The following FRMD6 variants were observed in gnomAD, a reference collection of about 807,000 sequenced individuals.
FRMD6 encodes FERM domain containing 6, also known as FERM domain-containing protein 6.
A neutral mutation model predicts 73.2 loss-of-function variants in FRMD6; 37 were observed. The observed-to-expected ratio is 0.51, with a 90% CI of 0.39 to 0.66. FRMD6 has a LOEUF of 0.66. Among genes scored for constraint, FRMD6 ranks in the 30% least tolerant of loss-of-function variants. FRMD6 has a pLI of 0.00. For synonymous variants in FRMD6, 273 were observed against 282.2 expected (o/e 0.97, Z 0.33); for missense variants, 714 against 780.5 (o/e 0.91, Z 1.02).
intron 1 of FRMD6, among the ~76,000 whole-genome samples, chr14:51,663,212 C>A (rs1258790242): frequency 6.6e-6 from 1 of 152,122 alleles, no homozygotes; most frequent in Non-Finnish European, 1.5e-5. Context: ...TGTGGTGATT[C>A]CTCAAAGACC....
chr14:51,642,075 A>G (rs1346001291), intron 2 of FRMD6, among the ~76,000 whole-genome samples: 2 of 152,176 alleles, frequency 1.3e-5, no homozygotes, highest in East Asian at 3.8e-4. Context: ...AAAGGCTTAA[A>G]CTGTAGGTAC....
intron 2 of FRMD6, 43 bp from the exon 3 acceptor site, chr14:51,698,099 T>G: frequency 7.0e-7 from 1 of 1,426,466 alleles, no homozygotes; most frequent in Non-Finnish European, 9.9e-7. Flanking sequence ...CTGGGTGGAC[T>G]TAGTTGAATT....
chr14:51,461,057 G>T, the FRMD6 span, among the ~76,000 whole-genome samples: 10 of 152,100 alleles, frequency 6.6e-5, no homozygotes, highest in Non-Finnish European at 1.3e-4. Flanking sequence ...AGCCACAAAG[G>T]GAAACCAATG....
At chr14:51,618,358 A>G (rs1188133961) in intron 2 of FRMD6, among the ~76,000 whole-genome samples, 1 of 152,172 alleles carries the variant, frequency 6.6e-6, no homozygotes, top group Non-Finnish European at 1.5e-5. Flanking sequence ...AAGCGGCAAG[A>G]GATCTAGACC....
intron 1 of FRMD6, among the ~76,000 whole-genome samples, chr14:51,681,897 A>G (rs978474407): frequency 6.6e-6 from 1 of 152,170 alleles, no homozygotes; most frequent in Non-Finnish European, 1.5e-5. Context: ...CTTTCCAGTT[A>G]TTTTGTTTGC....
intron 1 of FRMD6, among the ~76,000 whole-genome samples, chr14:51,563,519 A>C (rs922895416): frequency 6.6e-6 from 1 of 152,060 alleles, no homozygotes; most frequent in Non-Finnish European, 1.5e-5. Flanking sequence ...AAAATCCAAA[A>C]ATTAACTGGG....
chr14:51,450,145 A>T, the FRMD6 span, among the ~76,000 whole-genome samples: 2 of 152,202 alleles, frequency 1.3e-5, no homozygotes, highest in African/African-American at 4.8e-5. Context: ...AGATCCTGTG[A>T]CTTACTGCCA....
intron 2 of FRMD6, among the ~76,000 whole-genome samples, chr14:51,573,370 C>G (rs756673857): frequency 1.3e-5 from 2 of 152,104 alleles, no homozygotes; most frequent in Admixed American, 6.5e-5. Context: ...CTGTTATCAC[C>G]TCTTATGCCA....
intron 2 of FRMD6, among the ~76,000 whole-genome samples, chr14:51,637,139 T>C (rs931272116): frequency 2.0e-5 from 3 of 152,232 alleles, no homozygotes; most frequent in East Asian, 3.9e-4. Context: ...GGAGGATTGC[T>C]TGAGCCTGGG....
chr14:51,652,084 G>C (rs1892446650), intron 1 of FRMD6, 88 bp downstream of exon 1: 1 of 152,572 alleles, frequency 6.6e-6, no homozygotes, highest in African/African-American at 2.4e-5. Flanking sequence ...GCCCCCTGCC[G>C]GCGGGGCGGC....
At chr14:51,705,055 G>T (rs1239410177) in intron 6 of FRMD6, 120 bp downstream of exon 6, 2 of 791,488 alleles carry the variant, frequency 2.5e-6, no homozygotes, top group Non-Finnish European at 3.9e-6. Context: ...AATTCTTTGT[G>T]ATGCCCAGAT....
At chr14:51,409,358 T>G in the FRMD6 span, among the ~76,000 whole-genome samples, 1 of 146,828 alleles carries the variant, frequency 6.8e-6, no homozygotes, top group Non-Finnish European at 1.5e-5. Context: ...TTTTTTTTTT[T>G]TTTGCCTCAG....
the FRMD6 span, among the ~76,000 whole-genome samples, chr14:51,442,232 G>C: frequency 6.6e-6 from 1 of 152,128 alleles, no homozygotes; most frequent in Non-Finnish European, 1.5e-5. Flanking sequence ...ATTCAATCTA[G>C]GTTAGGGATC....
At chr14:51,620,416 G>A (rs1890883300) in intron 2 of FRMD6, among the ~76,000 whole-genome samples, 1 of 152,086 alleles carries the variant, frequency 6.6e-6, no homozygotes, top group Non-Finnish European at 1.5e-5. Context: ...CGCATGGTTG[G>A]GGATTGGGCA....
chr14:51,695,682 A>G (rs1372059059), intron 2 of FRMD6, among the ~76,000 whole-genome samples: 1 of 152,196 alleles, frequency 6.6e-6, no homozygotes, highest in African/African-American at 2.4e-5. Flanking sequence ...AGTGCCTACT[A>G]TAGATCCTGA....
chr14:51,450,340 A>T, the FRMD6 span, among the ~76,000 whole-genome samples: 3 of 152,338 alleles, frequency 2.0e-5, no homozygotes, highest in East Asian at 5.8e-4. Flanking sequence ...TTAGATAGAA[A>T]TCTAGACAGA....
Position 51,720,231 on chromosome 14 carries a change from A to C in FRMD6, c.1201A>C (p.Thr401Pro). 1.2e-6 allele frequency: 2 copies of C among 1,613,906 alleles called. No homozygotes were observed. The highest frequency in any genetic ancestry group is 1.7e-6 in the Non-Finnish European group (2 of 1,179,920). ...SSHTSGIEAD[T>P]KPRDTGPEDS... ...CCACACCTCGGGCATTGAGGCAGAC[A>C]CCAAGCCCCGGGACACGGGGCCAGA... The change falls in exon 11 of 14, where the codon ACC becomes CCC. Residue 401 changes from threonine to proline, a missense_variant. By Grantham distance (38) the Thr-to-Pro change is conservative (BLOSUM62 -1). Coordinates refer to ENST00000344768, the MANE Select transcript of FRMD6 (RefSeq NM_001267046.2).
chr14:51,457,163 G>A, the FRMD6 span, among the ~76,000 whole-genome samples: 1 of 152,152 alleles, frequency 6.6e-6, no homozygotes, highest in Non-Finnish European at 1.5e-5. Flanking sequence ...AATAATAAAT[G>A]TATGATATGA....
At chr14:51,463,253 T>C in the FRMD6 span, among the ~76,000 whole-genome samples, 1 of 152,348 alleles carries the variant, frequency 6.6e-6, no homozygotes, top group South Asian at 2.1e-4. Context: ...CTAAAGGACA[T>C]GCTGTTTTCA....
Sources: allele counts gnomAD v4.1 joint callset (sites outside exome capture counted in the v4.1 genomes callset), GRCh38; gene constraint gnomAD v4.1.1; transcripts MANE v1.5; gene names NCBI Gene and HGNC (gene_info 2026-07-23, HGNC 2026-07-21).